The following COL25A1 variants were observed in gnomAD, a reference collection of about 807,000 sequenced individuals.
COL25A1 encodes the protein collagen alpha-1(XXV) chain.
COL25A1 carries 103 observed loss-of-function variants against 128.4 expected under a neutral mutation model. That is an observed-to-expected ratio of 0.80 (90% CI 0.68 to 0.94). The LOEUF is 0.94. COL25A1 is among the 40% of genes least tolerant of loss of function. The pLI is 0.00. For missense variants in COL25A1, 745 were observed against 840.0 expected, an observed-to-expected ratio of 0.89 and a Z score of 1.40; for synonymous variants, 279 against 277.2, an observed-to-expected ratio of 1.01 and a Z score of -0.06.
chr4:109,038,519 G>C (rs1008571411), intron 5 of COL25A1, among the ~76,000 whole-genome samples: 4 of 152,120 alleles, frequency 2.6e-5, no homozygotes, highest in African/African-American at 7.2e-5. Context: ...AATCACCAAG[G>C]CTGTTTTTAC....
chr4:108,884,330 T>TA (rs1263629835), intron 18 of COL25A1, 108 bp from the exon 19 acceptor site: 4 of 1,014,396 alleles, frequency 3.9e-6, no homozygotes, highest in Admixed American at 2.4e-5. Flanking sequence ...CAAAGATAAA[T>TA]AAAAAAACCG....
intron 3 of COL25A1, among the ~76,000 whole-genome samples, chr4:109,122,322 G>C (rs1319406189): frequency 6.6e-6 from 1 of 151,984 alleles, no homozygotes; most frequent in African/African-American, 2.4e-5. Context: ...TGTAATGAAG[G>C]TACCACTATG....
chr4:109,128,988 G>A (rs998666909), intron 3 of COL25A1, among the ~76,000 whole-genome samples: 1 of 152,146 alleles, frequency 6.6e-6, no homozygotes, highest in Non-Finnish European at 1.5e-5. Context: ...TTCGCAGGCT[G>A]GAAAGTCTGA....
chr4:108,849,382 A>G (rs1336133794), intron 26 of COL25A1, among the ~76,000 whole-genome samples: 1 of 152,216 alleles, frequency 6.6e-6, no homozygotes, highest in African/African-American at 2.4e-5. Context: ...CATATGAAAT[A>G]ACTTTTAGAT....
At chr4:108,871,847 A>C (rs1041419225) in intron 19 of COL25A1, among the ~76,000 whole-genome samples, 10 of 152,176 alleles carry the variant, frequency 6.6e-5, no homozygotes, top group African/African-American at 2.4e-4. Context: ...CAGGATGGGC[A>C]GGAGTTAATT....
At chr4:109,095,457 C>T (rs1278214777) in intron 3 of COL25A1, among the ~76,000 whole-genome samples, 2 of 152,224 alleles carry the variant, frequency 1.3e-5, no homozygotes, top group East Asian at 3.9e-4. Flanking sequence ...TGATGCAGAA[C>T]CAAAGTGCCA....
chr4:109,043,752 T>C (rs1760154554), intron 5 of COL25A1, among the ~76,000 whole-genome samples: 1 of 152,102 alleles, frequency 6.6e-6, no homozygotes, highest in Non-Finnish European at 1.5e-5. Flanking sequence ...ATTTGCTCCA[T>C]TTAAAAACCC....
In COL25A1 at chr4:108,920,583, G is replaced by C; in HGVS notation, c.730C>G (p.Gln244Glu). The change falls in exon 12 of 38, where the codon CAA (glutamine) becomes GAA (glutamate). Residue 244 changes from glutamine to glutamate, a missense_variant. Transcript: ENST00000399132. ...GLMGPLGPPGQKGSIGAPGIP... is the reference protein window; with the variant it reads ...GLMGPLGPPGEKGSIGAPGIP... ...TATTGTTGTTTATACTCTACCTTTT[G>C]TCCCGGAGGCCCTAGAGGACCCTAA... 2.5e-6 allele frequency: 4 copies of C among 1,603,098 alleles called. No homozygotes were observed. The highest frequency in any genetic ancestry group is 3.4e-6 in the Non-Finnish European group (4 of 1,172,520).
chr4:109,113,768 G>A (rs897504412), intron 3 of COL25A1, among the ~76,000 whole-genome samples: 8 of 151,970 alleles, frequency 5.3e-5, no homozygotes, highest in Admixed American at 1.3e-4. Flanking sequence ...ATTTCCATAC[G>A]CAGCTGAAGA....
chr4:108,819,322 C>T lies in COL25A1; in HGVS notation c.1853G>A (p.Arg618His), dbSNP rs771718659. The T allele has an allele frequency of 3.1e-6, 5 of 1,612,322 alleles. No individual in the cohort carries two copies. The African/African-American group carries it at 6.7e-5, about 22-fold the overall frequency. The stretch of plus-strand genomic sequence containing the variant: ...CTCCCCTTTTTCCCCCTTAACGCCA[C>T]GGAATCCCTGTTTGTAAAGATTAAC... Reference protein sequence around the residue: ...DLGEKGEKGFRGVKGEKGEPG... With the variant: ...DLGEKGEKGFHGVKGEKGEPG... The change falls in exon 36 of 38, where the codon CGT becomes CAT. Residue 618 changes from arginine to histidine, a missense_variant. Transcript: ENST00000399132.
intron 5 of COL25A1, among the ~76,000 whole-genome samples, chr4:109,025,578 G>A (rs1473548077): frequency 6.6e-6 from 1 of 152,154 alleles, no homozygotes; most frequent in Non-Finnish European, 1.5e-5. Flanking sequence ...CTAACACCCA[G>A]AGAGTCAATT....
chr4:108,841,027 T>G (rs1734383784), intron 31 of COL25A1, among the ~76,000 whole-genome samples: 1 of 152,194 alleles, frequency 6.6e-6, no homozygotes, highest in Non-Finnish European at 1.5e-5. Flanking sequence ...ACCTTGTCTT[T>G]CAGGGCTTAT....
chr4:109,137,452 C>T (rs1461396725), intron 3 of COL25A1, among the ~76,000 whole-genome samples: 3 of 152,258 alleles, frequency 2.0e-5, no homozygotes, highest in South Asian at 2.1e-4. Flanking sequence ...ACTGTAGACG[C>T]TCCCCTCTCC....
intron 3 of COL25A1, among the ~76,000 whole-genome samples, chr4:109,127,263 C>T (rs1184013079): frequency 2.0e-5 from 3 of 152,078 alleles, no homozygotes; most frequent in Non-Finnish European, 2.9e-5. Context: ...ATCTATAAGG[C>T]GTAATAGAAC....
chr4:108,818,527 G>A (rs1029093165), intron 36 of COL25A1, among the ~76,000 whole-genome samples: 1 of 152,088 alleles, frequency 6.6e-6, no homozygotes, highest in African/African-American at 2.4e-5. Context: ...TGCCAGATTG[G>A]TACAAGGAGA....
intron 3 of COL25A1, among the ~76,000 whole-genome samples, chr4:109,230,185 A>T (rs1779069470): frequency 6.6e-6 from 1 of 152,160 alleles, no homozygotes; most frequent in Non-Finnish European, 1.5e-5. Context: ...GGGGACAAAT[A>T]TCCAAACTAT....
intron 3 of COL25A1, among the ~76,000 whole-genome samples, chr4:109,100,559 T>G (rs1174861337): frequency 2.0e-5 from 3 of 152,146 alleles, no homozygotes; most frequent in Non-Finnish European, 4.4e-5. Context: ...ATTTTTTCAT[T>G]TACTTGTTTG....
chr4:109,208,496 A>T (rs559394486), intron 3 of COL25A1, among the ~76,000 whole-genome samples: 125 of 151,982 alleles, frequency 8.2e-4, no homozygotes, highest in African/African-American at 2.5e-3. Flanking sequence ...AAAAAAAAAA[A>T]ACAAATTATT....
intron 3 of COL25A1, among the ~76,000 whole-genome samples, chr4:109,261,338 G>A (rs1382610066): frequency 1.3e-5 from 2 of 152,066 alleles, no homozygotes; most frequent in East Asian, 1.9e-4. Context: ...TCAACATCAC[G>A]AAACCTCATC....
Sources: gnomAD v4.1 joint callset for allele counts (sites outside exome capture counted in the v4.1 genomes callset) on GRCh38, gnomAD v4.1.1 for gene constraint, MANE v1.5 for transcripts, NCBI Gene and HGNC (gene_info 2026-07-23, HGNC 2026-07-21) for gene names.